COP1: variants seen among roughly 807,000 people sequenced by gnomAD.
COP1 encodes COP1 E3 ubiquitin ligase.
A neutral mutation model predicts 101.3 loss-of-function variants in COP1; 24 were observed. That is an observed-to-expected ratio of 0.24 (90% CI 0.17 to 0.33). The LOEUF (loss-of-function observed/expected upper bound fraction) is 0.33, where lower values mean the gene tolerates loss of function less well. Ranked by LOEUF, COP1 falls within the 10% of genes least tolerant of loss-of-function variation. COP1 has a pLI of 1.00. For missense variants in COP1, 663 were observed against 906.2 expected (o/e 0.73, Z 3.45); for synonymous variants, 347 against 341.9 (o/e 1.01, Z -0.17).
At chr1:175,987,657 T>C (rs1452884764) in intron 17 of COP1, among the ~76,000 whole-genome samples, 1 of 152,216 alleles carries the variant, frequency 6.6e-6, no homozygotes, top group African/African-American at 2.4e-5. Context: ...AGAATAATTG[T>C]TCCAGATATT....
At chr1:176,144,029 T>A (rs1691179172) in intron 6 of COP1, among the ~76,000 whole-genome samples, 1 of 152,138 alleles carries the variant, frequency 6.6e-6, no homozygotes, top group African/African-American at 2.4e-5. Flanking sequence ...TTGAATGCTT[T>A]CACTTTGAGA....
Position 176,023,105 on chromosome 1 carries a change from G to C in COP1, c.1729+4467C>G, listed in dbSNP as rs946227671. Among the ~76,000 whole-genome samples the C allele has an allele frequency of 2.6e-5, 4 of 152,108 alleles. No homozygotes were observed. In the South Asian group the frequency reaches 6.2e-4, roughly 24 times the overall value. The stretch of plus-strand genomic sequence containing the variant: ...TGGCATCATGTTCTTGATTTCAATA[G>C]TGCCACTAGCTGAGAAATAACAGCT... On this transcript the variant is annotated intron_variant, in intron 15 of 19. Coordinates refer to ENST00000367669, the MANE Select transcript of COP1 (RefSeq NM_022457.7).
At chr1:175,994,290 A>G (rs1302542510) in intron 15 of COP1, among the ~76,000 whole-genome samples, 3 of 152,256 alleles carry the variant, frequency 2.0e-5, no homozygotes, top group Non-Finnish European at 4.4e-5. Context: ...CTGCAAAATC[A>G]TGCCAAATTG....
At chr1:176,200,305 C>T (rs1313770804) in intron 1 of COP1, among the ~76,000 whole-genome samples, 1 of 152,194 alleles carries the variant, frequency 6.6e-6, no homozygotes, top group Non-Finnish European at 1.5e-5. Flanking sequence ...CTTGAGTGGA[C>T]TTGGCATTTA....
chr1:175,947,991 A>ATGGACAT (rs1391843106), intron 18 of COP1, among the ~76,000 whole-genome samples: 3 of 152,216 alleles, frequency 2.0e-5, no homozygotes, highest in Non-Finnish European at 2.9e-5. Flanking sequence ...ATCTCTATGG[A>ATGGACAT]TGGACATTTG....
At chr1:176,060,526 C>T (rs1674656888) in intron 11 of COP1, among the ~76,000 whole-genome samples, 2 of 152,086 alleles carry the variant, frequency 1.3e-5, no homozygotes, top group Admixed American at 1.3e-4. Context: ...AACAGAGAAT[C>T]ATATGAAGCT....
chr1:175,956,752 T>C (rs2148514775), intron 18 of COP1, among the ~76,000 whole-genome samples: 1 of 152,322 alleles, frequency 6.6e-6, no homozygotes, highest in Middle Eastern at 3.4e-3. Context: ...TAATCATTAA[T>C]TTAGATTATA....
chr1:176,137,479 T>C (rs1256358713), intron 6 of COP1, among the ~76,000 whole-genome samples: 1 of 152,188 alleles, frequency 6.6e-6, no homozygotes, highest in African/African-American at 2.4e-5. Context: ...AACGCCAGGA[T>C]GCGGTTGTCT....
intron 8 of COP1, among the ~76,000 whole-genome samples, chr1:176,118,120 G>A (rs905782163): frequency 1.3e-5 from 2 of 152,118 alleles, no homozygotes; most frequent in Non-Finnish European, 2.9e-5. Flanking sequence ...ACCTGACTCT[G>A]GGCAAGTGAT....
At chr1:176,004,664 G>C (rs1386594494) in intron 15 of COP1, among the ~76,000 whole-genome samples, 1 of 151,174 alleles carries the variant, frequency 6.6e-6, no homozygotes, top group Non-Finnish European at 1.5e-5. Flanking sequence ...TTATTGATTT[G>C]TGTGTATTGA....
chr1:176,043,810 C>T lies in COP1; in HGVS notation c.1430G>A (p.Ser477Asn). ...CAGGTTCTTATGGTAACTACTCCAACTGATACAGCTGAAAGAAATACAGTT... is the reference window on the plus strand; with the variant it reads ...CAGGTTCTTATGGTAACTACTCCAATTGATACAGCTGAAAGAAATACAGTT... ...MTCNSKISCISWSSYHKNLLA... is the reference protein window; with the variant it reads ...MTCNSKISCINWSSYHKNLLA... Residue 477 changes from serine to asparagine, a missense_variant, in exon 13 of 20, where the codon AGT becomes AAT. Physicochemically the swap from Ser to Asn is conservative, Grantham distance 46. Around this residue, in one of 4 missense-constraint regions of COP1, gnomAD observed 209 missense variants for 383.3 expected, o/e 0.55. Coordinates refer to ENST00000367669, the MANE Select transcript of COP1 (RefSeq NM_022457.7). The T allele has an allele frequency of 6.4e-7, 1 of 1,562,410 alleles. No individual in the cohort carries two copies. The highest frequency in any genetic ancestry group is 8.8e-7 in the Non-Finnish European group (1 of 1,135,352).
intron 14 of COP1, among the ~76,000 whole-genome samples, chr1:176,029,535 T>C (rs1668310227): frequency 6.6e-6 from 1 of 152,142 alleles, no homozygotes; most frequent in Non-Finnish European, 1.5e-5. Context: ...AAATGAACAT[T>C]AACAACAACA....
chr1:176,029,120 A>G (rs1668236660), intron 14 of COP1, among the ~76,000 whole-genome samples: 1 of 152,144 alleles, frequency 6.6e-6, no homozygotes, highest in African/African-American at 2.4e-5. Context: ...GAAAATGTAC[A>G]CAAACATCTT....
At chr1:175,956,869 A>G (rs1385175512) in intron 18 of COP1, among the ~76,000 whole-genome samples, 3 of 152,192 alleles carry the variant, frequency 2.0e-5, no homozygotes, top group Non-Finnish European at 2.9e-5. Flanking sequence ...TGACAGCTCT[A>G]TGTGTGTTAT....
chr1:176,015,699 C>A (rs1665506026), intron 15 of COP1, among the ~76,000 whole-genome samples: 1 of 151,860 alleles, frequency 6.6e-6, no homozygotes, highest in African/African-American at 2.4e-5. Flanking sequence ...GGGAAAGCAA[C>A]AAAGAGAAGA....
intron 8 of COP1, among the ~76,000 whole-genome samples, chr1:176,120,804 A>G (rs1039625637): frequency 6.6e-6 from 1 of 152,224 alleles, no homozygotes; most frequent in Non-Finnish European, 1.5e-5. Context: ...TCTTGGAAAG[A>G]TAATAGGCAT....
chr1:175,985,748 C>T (rs143062644), intron 18 of COP1, among the ~76,000 whole-genome samples: 1,901 of 152,256 alleles, frequency 0.012, 19 homozygotes, highest in Non-Finnish European at 0.019. Flanking sequence ...AAAATACATA[C>T]ATTTGGTCCT....
intron 9 of COP1, among the ~76,000 whole-genome samples, chr1:176,092,048 T>G (rs1681426034): frequency 6.6e-6 from 1 of 152,262 alleles, no homozygotes; most frequent in Admixed American, 6.5e-5. Flanking sequence ...CCCATCTGTA[T>G]GTAATAAGAG....
At chr1:176,079,210 C>T (rs1361445724) in intron 11 of COP1, among the ~76,000 whole-genome samples, 2 of 152,076 alleles carry the variant, frequency 1.3e-5, no homozygotes, top group East Asian at 1.9e-4. Flanking sequence ...CAGAGCTATT[C>T]ACAGTAACGA....
Sources: allele counts gnomAD v4.1 joint callset (sites outside exome capture counted in the v4.1 genomes callset), GRCh38; gene constraint gnomAD v4.1.1; regional missense constraint gnomAD v4.1.1; transcripts MANE v1.5; gene names NCBI Gene and HGNC (gene_info 2026-07-23, HGNC 2026-07-21).